Variants in IGFN1 observed in about 807,000 individuals in gnomAD.
IGFN1 encodes immunoglobulin-like and fibronectin type III domain-containing protein 1.
IGFN1 carries 253 observed loss-of-function variants against 289.5 expected under a neutral mutation model. The observed-to-expected ratio is 0.87, with a 90% confidence interval of 0.79 to 0.97. The LOEUF is 0.97. Ranked by LOEUF, IGFN1 falls within the 50% of genes least tolerant of loss-of-function variation. The pLI is 0.00. For synonymous variants in IGFN1, 1,706 were observed against 1,788.5 expected (o/e 0.95, Z 1.16); for missense variants, 4,470 against 4,686.1 (o/e 0.95, Z 1.35).
chr1:201,216,646 A>T lies in IGFN1; in HGVS notation c.9488A>T (p.Asp3163Val), dbSNP rs978252020. Residue 3163 changes from aspartate (D) to valine (V), a missense_variant, in exon 16 of 24, where the codon GAT (aspartate) becomes GTT (valine). Asp to Val is a radical substitution (Grantham distance 152). Transcript: ENST00000335211. ...EAPADSTTFT[D>V]AHVEPGRKYT... Reference sequence around the variant, plus strand: ...CCCGCTGACAGCACCACCTTCACGGATGCCCATGTGGAGCCAGGCAGGAAG... The same window carrying T: ...CCCGCTGACAGCACCACCTTCACGGTTGCCCATGTGGAGCCAGGCAGGAAG... 1 of 1,613,918 alleles carries T rather than the reference A, an allele frequency of 6.2e-7. No individual in the cohort carries two copies. Among genetic ancestry groups the T allele is most frequent in the Admixed American group, 1.7e-5 (1 of 59,996 alleles).
Position 201,194,142 on chromosome 1 carries a change from T to C in IGFN1, c.8-12T>C, listed in dbSNP as rs1666777839. On this transcript the variant is annotated splice_polypyrimidine_tract_variant and intron_variant, in intron 2 of 23. Coordinates refer to ENST00000335211, the MANE Select transcript of IGFN1 (RefSeq NM_001164586.2). ...TGGAAGGCCCCATCTCCTTCCCTCC[T>C]GCATTCTCCAGGAAAGCTCCGGAAG... 2 of 1,551,122 alleles carry C rather than the reference T, an allele frequency of 1.3e-6. No homozygotes were observed. The highest frequency in any genetic ancestry group is 1.7e-6 in the Non-Finnish European group (2 of 1,146,750).
At chr1:201,228,019 G>A (rs374666857) in intron 23 of IGFN1, among the ~76,000 whole-genome samples, 1 of 152,182 alleles carries the variant, frequency 6.6e-6, no homozygotes, top group Non-Finnish European at 1.5e-5. Flanking sequence ...ATTTTGAATA[G>A]CAATAAAAGG....
rs756615359 is a variant in IGFN1, at chr1:201,216,450, C to T, written c.9296-4C>T. On this transcript the variant is annotated splice_region_variant and splice_polypyrimidine_tract_variant and intron_variant, in intron 15 of 23. Coordinates refer to ENST00000335211, the MANE Select transcript of IGFN1 (RefSeq NM_001164586.2). ...TCTTCCCGCTCCTCTCTGTGGGTCC[C>T]CAGACAAGCCTGATCCCCCACAAGG... 2 of 1,546,320 alleles carry T rather than the reference C, an allele frequency of 1.3e-6. No homozygotes were observed. Among genetic ancestry groups the T allele is most frequent in the Non-Finnish European group, 1.7e-6 (2 of 1,149,780 alleles).
chr1:201,209,647 G>A lies in IGFN1; in HGVS notation c.4754G>A (p.Arg1585Lys), dbSNP rs774225711. The A allele has an allele frequency of 1.3e-6, 2 of 1,533,500 alleles. No homozygotes were observed. The highest frequency in any genetic ancestry group is 2.7e-5 in the African/African-American group (2 of 73,080). 95.0% of individuals were successfully genotyped at this position (1,533,500 alleles called of 1,614,324 possible). The change falls in exon 12 of 24, where the codon AGG becomes AAG. Residue 1585 changes from arginine (R) to lysine (K), a missense_variant. Physicochemically the swap from Arg to Lys is conservative, Grantham distance 26. Transcript: ENST00000335211. ...GMGSGSKASF[R>K]DGLGGSGEMG... ...GGTTCAGGGAGTAAGGCAAGTTTTAGGGATGGTTTAGGAGGTTCTGGAGAA... is the reference window on the plus strand; with the variant it reads ...GGTTCAGGGAGTAAGGCAAGTTTTAAGGATGGTTTAGGAGGTTCTGGAGAA...
chr1:201,193,133 G>T (rs530876158), intron 1 of IGFN1, 114 bp from the exon 2 acceptor site: 6 of 610,598 alleles, frequency 9.8e-6, no homozygotes, highest in African/African-American at 9.2e-5. Context: ...GCTCTTGGGG[G>T]CAGCAGCTTT....
Position 201,201,726 on chromosome 1 carries a change from A to T in IGFN1, c.641A>T (p.Asn214Ile). 1 of 1,534,458 alleles carries T rather than the reference A, an allele frequency of 6.5e-7. No homozygotes were observed. The highest frequency in any genetic ancestry group is 8.8e-7 in the Non-Finnish European group (1 of 1,130,948). Reference protein sequence around the residue: ...EQEDKMAQYINTISSLRHIRV... With the variant: ...EQEDKMAQYIITISSLRHIRV... ...TGTTTGTCTGCTTTGTAGTACATCA[A>T]CACCATCTCCAGCTTAAGACACATC... The change falls in exon 9 of 24, where the codon AAC (asparagine) becomes ATC (isoleucine). Residue 214 changes from asparagine to isoleucine, a missense_variant. Asn to Ile is a moderately radical substitution (Grantham distance 149). Coordinates refer to ENST00000335211, the MANE Select transcript of IGFN1 (RefSeq NM_001164586.2).
At position 201,225,843 on chromosome 1, in the gene IGFN1, GC is replaced by G; in HGVS notation, c.10509del (p.Ile3504SerfsTer11). The G allele has an allele frequency of 6.2e-7, 1 of 1,612,532 alleles. No homozygotes were observed. Among genetic ancestry groups the G allele is most frequent in the South Asian group, 1.1e-5 (1 of 90,926 alleles). On this transcript the variant is annotated frameshift_variant, in exon 22 of 24. Transcript: ENST00000335211. LOFTEE classifies it high-confidence loss of function. ...CTGAAGCATGCCCGCAGGCCCCTGG[GC>G]CCATCCACCTGCAGGAGAACGTGCC... is the stretch of plus-strand genomic sequence containing the variant. ...RVAACPQAPG[P>X]IHLQENVPGT...
chr1:201,193,995 G>T (rs1421778940), intron 2 of IGFN1, among the ~76,000 whole-genome samples, 159 bp from the exon 3 acceptor site: 1 of 152,158 alleles, frequency 6.6e-6, no homozygotes, highest in Non-Finnish European at 1.5e-5. Flanking sequence ...AAAGCACTGT[G>T]CACAGGCAGG....
In IGFN1 at chr1:201,207,553, G is replaced by A. The variant is rs760569787; in HGVS notation, c.2660G>A (p.Ser887Asn). Residue 887 changes from serine to asparagine, a missense_variant, in exon 12 of 24, where the codon AGC becomes AAC. Physicochemically the swap from Ser to Asn is conservative, Grantham distance 46. This residue lies in a region of IGFN1 where 2,011 missense variants were observed against 1,953.4 expected (regional missense o/e 1.03). Coordinates refer to ENST00000335211, the MANE Select transcript of IGFN1 (RefSeq NM_001164586.2). ...TESGQGVDAR[S>N]HWLSRAPGLG... Reference sequence around the variant, plus strand: ...TCTGGTCAGGGGGTGGATGCCAGAAGCCACTGGCTAAGTAGGGCTCCAGGC... The same window carrying A: ...TCTGGTCAGGGGGTGGATGCCAGAAACCACTGGCTAAGTAGGGCTCCAGGC... 2 of 1,536,940 alleles carry A rather than the reference G, an allele frequency of 1.3e-6. No individual in the cohort carries two copies. The highest frequency in any genetic ancestry group is 1.7e-6 in the Non-Finnish European group (2 of 1,146,852).
chr1:201,225,783 G>GGTCC (rs2102374370), intron 21 of IGFN1, 41 bp from the exon 22 acceptor site: 1 of 1,560,864 alleles, frequency 6.4e-7, no homozygotes, highest in Non-Finnish European at 8.7e-7. Flanking sequence ...AGCCCTGCTG[G>GGTCC]GTCCCCTCCA....
rs184961497 is a variant in IGFN1, at chr1:201,228,039, A to T, written c.11114-347A>T. Among the ~76,000 whole-genome samples the T allele has an allele frequency of 1.8e-3, 278 of 152,366 alleles. 1 individual carries two copies. Among genetic ancestry groups the T allele is most frequent in the Non-Finnish European group, 3.7e-3 (251 of 68,038 alleles). ...GAATAGCAATAAAAGGCAAGCCTCA[A>T]TTGACCTTTGTGGAAAAACGGCCCC... On this transcript the variant is annotated intron_variant, in intron 23 of 23. Coordinates refer to ENST00000335211, the MANE Select transcript of IGFN1 (RefSeq NM_001164586.2).
rs1012969932 is a variant in IGFN1, at chr1:201,212,865, G to A, written c.7972G>A (p.Asp2658Asn). 1.8e-5 allele frequency: 28 copies of A among 1,551,180 alleles called. No homozygotes were observed. In the Admixed American group the frequency reaches 2.0e-4, roughly 11 times the overall value. Reference protein sequence around the residue: ...SRASGSLQEKDAAFGGTHEGP... With the variant: ...SRASGSLQEKNAAFGGTHEGP... Reference sequence around the variant, plus strand: ...AGCTTCCGGTTCTCTGCAGGAGAAAGATGCCGCTTTTGGTGGGACCCATGA... The same window carrying A: ...AGCTTCCGGTTCTCTGCAGGAGAAAAATGCCGCTTTTGGTGGGACCCATGA... Residue 2658 changes from aspartate (D) to asparagine (N), a missense_variant, in exon 12 of 24, where the codon GAT becomes AAT. Physicochemically the swap from Asp to Asn is conservative, Grantham distance 23 (BLOSUM62 1). Transcript: ENST00000335211.
At position 201,191,325 on chromosome 1, in the gene IGFN1, T is replaced by G. The variant is rs142387231; in HGVS notation, c.-48+418T>G. Among the ~76,000 whole-genome samples, 11 of 152,182 alleles carry G rather than the reference T, an allele frequency of 7.2e-5. No individual in the cohort carries two copies. In the East Asian group the frequency reaches 1.7e-3, roughly 24 times the overall value. ...TCTTCCTGCCTCAATTTCTACCAGT[T>G]GAGAGGTAGCAGGGACCAACTGGAG... On this transcript the variant is annotated intron_variant, in intron 1 of 23. Transcript: ENST00000335211.
chr1:201,201,780 T>G lies in IGFN1; in HGVS notation c.695T>G (p.Phe232Cys). The part of the protein sequence containing the change: ...IRVTKDGNAK[F>C]DLELDLKDSQ... ...GTCACCAAGGATGGGAATGCAAAGT[T>G]TGACTTGGAGCTGGATCTCAAGGAT... Residue 232 changes from phenylalanine to cysteine, a missense_variant, in exon 9 of 24, where the codon TTT becomes TGT. Physicochemically the swap from Phe to Cys is radical, Grantham distance 205. Transcript: ENST00000335211. 6.4e-7 allele frequency: 1 copy of G among 1,550,952 alleles called. No individual in the cohort carries two copies. Among genetic ancestry groups the G allele is most frequent in the Non-Finnish European group, 8.7e-7 (1 of 1,146,106 alleles).
chr1:201,224,923 C>T (rs1458001568), intron 21 of IGFN1, 49 bp downstream of exon 21: 1 of 1,441,106 alleles, frequency 6.9e-7, no homozygotes, highest in Non-Finnish European at 9.5e-7. Context: ...GGCCACTCAC[C>T]AAGGCAAAGA....
At chr1:201,217,254 C>T in intron 16 of IGFN1, 33 bp from the exon 17 acceptor site, 1 of 1,603,986 alleles carries the variant, frequency 6.2e-7, no homozygotes, top group East Asian at 2.2e-5. Flanking sequence ...CTTTCCCAGG[C>T]CTCTGGCTGA....
Position 201,209,911 on chromosome 1 carries a change from G to A in IGFN1, c.5018G>A (p.Gly1673Asp), listed in dbSNP as rs1460363879. ...GAAATGGGGTCAATGGATGAGGCAG[G>A]TTATAGGAAGAATTTGGGGGCTCCT... ...SGEMGSMDEA[G>D]YRKNLGAPEG... The change falls in exon 12 of 24, where the codon GGT (glycine) becomes GAT (aspartate). Residue 1673 changes from glycine (G) to aspartate (D), a missense_variant. Gly to Asp is a moderately conservative substitution (Grantham distance 94). Around this residue, in one of 8 missense-constraint regions of IGFN1, gnomAD observed 49 missense variants for 62.6 expected, o/e 0.78. Coordinates refer to ENST00000335211, the MANE Select transcript of IGFN1 (RefSeq NM_001164586.2). 3.4e-6 allele frequency: 5 copies of A among 1,465,792 alleles called. No individual in the cohort carries two copies. The African/African-American group carries it at 7.2e-5, about 21-fold the overall frequency. The allele number at this position is 1,465,792 out of a possible 1,614,324, so 90.8% of individuals were successfully genotyped here. A position where few individuals can be genotyped will look rare whatever the true frequency, so the allele number is the denominator to read the frequency against.
In IGFN1 at chr1:201,203,730, G is replaced by A. The variant is rs370961571; in HGVS notation, c.748-8G>A. ...GAGGCCCGCCTCCTCTTCCTTTTCT[G>A]GCCTTAGGATGGTGAGATGATCCCC... On this transcript the variant is annotated splice_region_variant and splice_polypyrimidine_tract_variant and intron_variant, in intron 9 of 23. Transcript: ENST00000335211. 267 of 1,551,136 alleles carry A rather than the reference G, an allele frequency of 1.7e-4. 1 individual carries two copies. The African/African-American group carries it at 2.8e-3, about 16-fold the overall frequency.
chr1:201,194,325 C>T lies in IGFN1; in HGVS notation c.127+52C>T, dbSNP rs1311715896. 61 of 1,542,504 alleles carry T rather than the reference C, an allele frequency of 4.0e-5. 1 individual carries two copies. In the Middle Eastern group the frequency reaches 6.1e-4, roughly 16 times the overall value. ...GGAGGCAAGATTCTTGCTCTCCTAC[C>T]TCCCAGGGGAGAGGGCTGGGGCACC... On this transcript the variant is annotated intron_variant, in intron 3 of 23. Transcript: ENST00000335211.
Sources: allele counts gnomAD v4.1 joint callset (sites outside exome capture counted in the v4.1 genomes callset), GRCh38; gene constraint gnomAD v4.1.1; regional missense constraint gnomAD v4.1.1; transcripts MANE v1.5; gene names NCBI Gene and HGNC (gene_info 2026-07-23, HGNC 2026-07-21).